The following NR3C1 variants were observed in gnomAD, a reference collection of about 807,000 sequenced individuals.
NR3C1 encodes glucocorticoid receptor.
NR3C1 carries 14 observed loss-of-function variants against 74.0 expected under a neutral mutation model. That is an observed-to-expected ratio of 0.19 (90% CI 0.12 to 0.30). The LOEUF (loss-of-function observed/expected upper bound fraction) is 0.30, where lower values mean the gene tolerates loss of function less well. NR3C1 is among the 10% of genes least tolerant of loss of function. NR3C1 has a pLI of 1.00. For missense variants in NR3C1, 695 were observed against 909.8 expected, an observed-to-expected ratio of 0.76 and a Z score of 3.04; for synonymous variants, 308 against 332.5, an observed-to-expected ratio of 0.93 and a Z score of 0.80.
intron 4 of NR3C1, among the ~76,000 whole-genome samples, chr5:143,306,386 C>CT (rs1197093348): frequency 6.6e-6 from 1 of 152,148 alleles, no homozygotes; most frequent in Non-Finnish European, 1.5e-5. Context: ...AAACACATGG[C>CT]TCATCTGTAT....
chr5:143,365,910 A>T (rs933600431), intron 2 of NR3C1, among the ~76,000 whole-genome samples: 1 of 152,208 alleles, frequency 6.6e-6, no homozygotes, highest in African/African-American at 2.4e-5. Context: ...AACGGGTTAG[A>T]GGGGGAAGAA....
chr5:143,380,509 G>A (rs1456556167), intron 2 of NR3C1, among the ~76,000 whole-genome samples: 2 of 152,144 alleles, frequency 1.3e-5, no homozygotes, highest in African/African-American at 2.4e-5. Flanking sequence ...AAAAAGCAAT[G>A]AAGTTATTTC....
At chr5:143,366,805 G>A (rs927442716) in intron 2 of NR3C1, among the ~76,000 whole-genome samples, 3 of 152,108 alleles carry the variant, frequency 2.0e-5, no homozygotes, top group African/African-American at 7.2e-5. Flanking sequence ...AAGACATTAA[G>A]TTAGTAATCA....
intron 2 of NR3C1, among the ~76,000 whole-genome samples, chr5:143,379,788 A>G (rs1835857734): frequency 6.6e-6 from 1 of 152,212 alleles, no homozygotes; most frequent in Non-Finnish European, 1.5e-5. Flanking sequence ...GCTACAGCCA[A>G]CCAGCCAACT....
chr5:143,351,154 G>C (rs569458988), intron 2 of NR3C1, among the ~76,000 whole-genome samples: 182 of 152,090 alleles, frequency 1.2e-3, no homozygotes, highest in Middle Eastern at 0.01. Context: ...GTCTCTCTTC[G>C]AGAACTGTCT....
At chr5:143,306,167 A>G (rs1599807722) in intron 4 of NR3C1, among the ~76,000 whole-genome samples, 1 of 152,186 alleles carries the variant, frequency 6.6e-6, no homozygotes, top group East Asian at 1.9e-4. Context: ...AGGCCCTTTA[A>G]GCAGTGAAGG....
At chr5:143,299,761 A>AT (rs1169108300) in intron 5 of NR3C1, among the ~76,000 whole-genome samples, 11 of 152,218 alleles carry the variant, frequency 7.2e-5, no homozygotes, top group Non-Finnish European at 4.4e-5. Context: ...ATTTTAAAAA[A>AT]CAGAAAAGAA....
chr5:143,334,104 G>A (rs1351508385), intron 2 of NR3C1, among the ~76,000 whole-genome samples: 4 of 152,170 alleles, frequency 2.6e-5, no homozygotes, highest in Non-Finnish European at 5.9e-5. Context: ...GTAGCTGGCC[G>A]GTCGTGGTGG....
intron 2 of NR3C1, among the ~76,000 whole-genome samples, chr5:143,373,466 G>A (rs75423925): frequency 1.3e-5 from 2 of 149,320 alleles, no homozygotes; most frequent in Non-Finnish European, 3.0e-5. Flanking sequence ...TTATCGGGGG[G>A]TGGGGGGCTA....
intron 2 of NR3C1, among the ~76,000 whole-genome samples, chr5:143,336,121 G>A (rs10051482): frequency 1.3e-5 from 2 of 152,172 alleles, no homozygotes; most frequent in Non-Finnish European, 2.9e-5. Context: ...TGAGGACATA[G>A]CTATAAAGCT....
In NR3C1 at chr5:143,278,629, C is replaced by G. The variant is rs1812676984; in HGVS notation, c.*3260G>C. ...ACCTACAGCTACAGTCAGGGAGTGA[C>G]CAGCCAAGATGGAAATCTCACTGAA... On this transcript the variant is annotated 3_prime_UTR_variant, in exon 9 of 9. Transcript: ENST00000394464. The G allele has an allele frequency of 6.6e-6, 1 of 152,132 alleles. No individual in the cohort carries two copies. The allele number at this position is 152,132 out of a possible 1,614,324, so 9.4% of individuals were successfully genotyped here. A position where few individuals can be genotyped will look rare whatever the true frequency, so the allele number is the denominator to read the frequency against.
At chr5:143,328,155 C>T (rs1825058061) in intron 2 of NR3C1, among the ~76,000 whole-genome samples, 1 of 152,262 alleles carries the variant, frequency 6.6e-6, no homozygotes, top group Admixed American at 6.5e-5. Flanking sequence ...AGGCCCAACA[C>T]CACGTGAAAG....
intron 2 of NR3C1, among the ~76,000 whole-genome samples, chr5:143,384,461 C>T (rs1836814215): frequency 6.6e-6 from 1 of 152,196 alleles, no homozygotes; most frequent in Non-Finnish European, 1.5e-5. Flanking sequence ...GTCCACTCTG[C>T]TTATGAGACT....
At chr5:143,366,459 G>A (rs183035473) in intron 2 of NR3C1, among the ~76,000 whole-genome samples, 4 of 150,842 alleles carry the variant, frequency 2.7e-5, no homozygotes, top group East Asian at 2.0e-4. Context: ...GCAATGAGCC[G>A]AGATTGCACC....
chr5:143,280,058 C>G lies in NR3C1; in HGVS notation c.*1831G>C, dbSNP rs1812867288. On this transcript the variant is annotated 3_prime_UTR_variant, in exon 9 of 9. Transcript: ENST00000394464. ...GAGCCTCAGCAACCTTCACTGCACA[C>G]AGGACCAGTCTCCATCTCCCTCTTC... 6.6e-6 allele frequency: 1 copy of G among 152,590 alleles called. No individual in the cohort carries two copies. The highest frequency in any genetic ancestry group is 2.4e-5 in the African/African-American group (1 of 41,452). 9.5% of individuals were successfully genotyped at this position (152,590 alleles called of 1,614,324 possible).
intron 2 of NR3C1, among the ~76,000 whole-genome samples, chr5:143,385,421 A>G (rs1351186345): frequency 6.6e-6 from 1 of 152,242 alleles, no homozygotes; most frequent in Admixed American, 6.5e-5. Context: ...GTCAGGCTGC[A>G]AATTTTCCAA....
At chr5:143,358,353 T>C (rs574072626) in intron 2 of NR3C1, among the ~76,000 whole-genome samples, 2 of 152,342 alleles carry the variant, frequency 1.3e-5, no homozygotes, top group South Asian at 2.1e-4. Flanking sequence ...TATTTAATTC[T>C]GAAGAGGGAT....
In NR3C1 at chr5:143,300,419, CAA is replaced by C. The variant is rs1416256622; in HGVS notation, c.1747+64_1747+65del. 1.2e-6 allele frequency: 2 copies of C among 1,602,004 alleles called. No individual in the cohort carries two copies. Among genetic ancestry groups the C allele is most frequent in the Non-Finnish European group, 8.5e-7 (1 of 1,169,900 alleles). On this transcript the variant is annotated intron_variant, in intron 5 of 8. Coordinates refer to ENST00000394464, the MANE Select transcript of NR3C1 (RefSeq NM_000176.3). The surrounding 1 kb of genome is among the most constrained non-coding windows in gnomAD (Gnocchi z 5.2). ...CATGGGCTCACGATGATATAAAAGC[CAA>C]AGTGTTTTTGCTGAAGAAAACACAA... is the stretch of plus-strand genomic sequence containing the variant.
At chr5:143,307,958 G>A (rs1050247030) in intron 4 of NR3C1, among the ~76,000 whole-genome samples, 17 of 152,074 alleles carry the variant, frequency 1.1e-4, no homozygotes, top group African/African-American at 2.9e-4. Context: ...CAAGAAAGTG[G>A]GCAGCTATCA....
Sources: allele counts gnomAD v4.1 joint callset (sites outside exome capture counted in the v4.1 genomes callset), GRCh38; gene constraint gnomAD v4.1.1; non-coding constraint Gnocchi (gnomAD v3.1); transcripts MANE v1.5; gene names NCBI Gene and HGNC (gene_info 2026-07-23, HGNC 2026-07-21).